C16orf96: variants seen among roughly 807,000 people sequenced by gnomAD.
The protein encoded by C16orf96 is chromosome 16 open reading frame 96, also known as uncharacterized protein C16orf96.
In C16orf96, 108 loss-of-function variants were observed where a neutral mutation model predicts 103.6. The ratio of observed to expected loss-of-function variants is 1.04; its 90% CI spans 0.89 to 1.22. The LOEUF (loss-of-function observed/expected upper bound fraction) is 1.22, where lower values mean the gene tolerates loss of function less well. C16orf96 is among the 50% of genes most tolerant of loss of function. C16orf96 has a pLI of 0.00. For synonymous variants in C16orf96, 566 were observed against 593.5 expected (o/e 0.95, Z 0.67); for missense variants, 1,586 against 1,464.2 (o/e 1.08, Z -1.36).
chr16:4,577,361 T>C (rs1289469010), intron 5 of C16orf96, among the ~76,000 whole-genome samples: 1 of 151,918 alleles, frequency 6.6e-6, no homozygotes, highest in Non-Finnish European at 1.5e-5. Context: ...AGACCTCATC[T>C]CTAAAAAAAT....
At chr16:4,589,474 G>A (rs975140340) in intron 9 of C16orf96, among the ~76,000 whole-genome samples, 2 of 151,510 alleles carry the variant, frequency 1.3e-5, no homozygotes, top group African/African-American at 4.9e-5. Flanking sequence ...AACTACTCAG[G>A]AGGCTGAGGT....
At chr16:4,592,483 A>C (rs1184706641) in intron 11 of C16orf96, 116 bp downstream of exon 11, 1 of 1,207,814 alleles carries the variant, frequency 8.3e-7, no homozygotes, top group Admixed American at 2.0e-5. Flanking sequence ...ACACATCCAT[A>C]TACAGCATTC....
chr16:4,545,567 A>T, the C16orf96 span, among the ~76,000 whole-genome samples: 27 of 151,758 alleles, frequency 1.8e-4, 1 homozygote, highest in African/African-American at 6.3e-4. Flanking sequence ...AAATTTCACA[A>T]CCCCCATCAT....
intron 8 of C16orf96, among the ~76,000 whole-genome samples, chr16:4,587,545 A>G (rs4999620): frequency 2.0e-3 from 143 of 72,508 alleles, no homozygotes; most frequent in African/African-American, 4.8e-3. Context: ...AAAAAAAAAA[A>G]AAAGAAAGAA....
At chr16:4,577,520 G>T (rs539818018) in intron 5 of C16orf96, among the ~76,000 whole-genome samples, 1 of 151,936 alleles carries the variant, frequency 6.6e-6, no homozygotes, top group Non-Finnish European at 1.5e-5. Flanking sequence ...GCATGGTGGC[G>T]GGCGCCTGTA....
Position 4,594,473 on chromosome 16 carries a change from A to C in C16orf96, c.2990A>C (p.Tyr997Ser). 2 of 1,551,502 alleles carry C rather than the reference A, an allele frequency of 1.3e-6. No individual in the cohort carries two copies. The highest frequency in any genetic ancestry group is 1.7e-6 in the Non-Finnish European group (2 of 1,146,990). Residue 997 changes from tyrosine to serine, a missense_variant, in exon 13 of 16, where the codon TAT becomes TCT. Physicochemically the swap from Tyr to Ser is moderately radical, Grantham distance 144 (BLOSUM62 -2). Transcript: ENST00000444310. ...AAGTCCTGCAACCTGTTGACGCTCT[A>C]TCCCTACGGGGATCCCCACGTGATC... ...KCKSCNLLTLYPYGDPHVIDY... is the reference protein window; with the variant it reads ...KCKSCNLLTLSPYGDPHVIDY...
At chr16:4,577,187 G>A (rs1257490022) in intron 5 of C16orf96, among the ~76,000 whole-genome samples, 1 of 151,642 alleles carries the variant, frequency 6.6e-6, no homozygotes, top group Non-Finnish European at 1.5e-5. Context: ...ACGAAACTCT[G>A]TCTCAAAAAC....
chr16:4,587,826 C>A (rs1215949827), intron 8 of C16orf96, among the ~76,000 whole-genome samples: 1 of 151,930 alleles, frequency 6.6e-6, no homozygotes, highest in Admixed American at 6.6e-5. Context: ...GTCCCAGCCA[C>A]TCAGGAGGCT....
intron 1 of C16orf96, among the ~76,000 whole-genome samples, chr16:4,558,110 G>C (rs925713517): frequency 6.6e-6 from 1 of 152,220 alleles, no homozygotes; most frequent in African/African-American, 2.4e-5. Flanking sequence ...CCTGTGAGGA[G>C]CAGCAAAGAG....
At chr16:4,555,225 T>C (rs1385960219), upstream of C16orf96, among the ~76,000 whole-genome samples, 1 of 149,314 alleles carries the variant, frequency 6.7e-6, no homozygotes, top group African/African-American at 2.5e-5. Flanking sequence ...ATCGCGCCAC[T>C]GCACTCCTGC....
intron 15 of C16orf96, 77 bp downstream of exon 15, chr16:4,599,441 C>A: frequency 7.8e-7 from 1 of 1,279,442 alleles, no homozygotes; most frequent in Non-Finnish European, 1.1e-6. Context: ...TCATCCCATC[C>A]CCCACACCCC....
intron 1 of C16orf96, among the ~76,000 whole-genome samples, chr16:4,562,340 G>A (rs2059341294): frequency 6.6e-6 from 1 of 152,010 alleles, no homozygotes. Context: ...GCTGGGCATG[G>A]TGGTGCACCT....
At chr16:4,582,414 C>A (rs910842394) in intron 7 of C16orf96, among the ~76,000 whole-genome samples, 16 of 152,058 alleles carry the variant, frequency 1.1e-4, no homozygotes, top group Non-Finnish European at 1.8e-4. Context: ...GAAAAGGGAC[C>A]AAGGAAACCC....
the C16orf96 span, among the ~76,000 whole-genome samples, chr16:4,548,918 C>G: frequency 2.0e-4 from 30 of 151,242 alleles, no homozygotes; most frequent in Non-Finnish European, 4.0e-4. Context: ...TCCACTTTCT[C>G]TATAACCAGT....
the C16orf96 span, among the ~76,000 whole-genome samples, chr16:4,546,896 C>T: frequency 5.3e-5 from 8 of 152,150 alleles, no homozygotes; most frequent in South Asian, 2.1e-4. Flanking sequence ...CGTGCTACAA[C>T]GTGGATGAAC....
intron 11 of C16orf96, 35 bp downstream of exon 11, chr16:4,592,402 G>A (rs1487555853): frequency 1.9e-6 from 3 of 1,550,594 alleles, no homozygotes; most frequent in Non-Finnish European, 2.6e-6. Flanking sequence ...CCGGCCCTAA[G>A]GGCTTGTGGG....
chr16:4,588,155 C>G lies in C16orf96; in HGVS notation c.2428-12C>G. 6.5e-7 allele frequency: 1 copy of G among 1,549,560 alleles called. No individual in the cohort carries two copies. The highest frequency in any genetic ancestry group is 1.2e-5 in the South Asian group (1 of 83,972). ...CAGCAGCCATGCCTCCCTGAACTCCCTGTCTCCCTAGAAAGCTGACAGGAG... is the reference window on the plus strand; with the variant it reads ...CAGCAGCCATGCCTCCCTGAACTCCGTGTCTCCCTAGAAAGCTGACAGGAG... On this transcript the variant is annotated splice_polypyrimidine_tract_variant and intron_variant, in intron 8 of 15. Coordinates refer to ENST00000444310, the MANE Select transcript of C16orf96 (RefSeq NM_001145011.2).
chr16:4,578,784 A>C (rs1348435209), intron 5 of C16orf96, among the ~76,000 whole-genome samples, 156 bp from the exon 6 acceptor site: 1 of 152,136 alleles, frequency 6.6e-6, no homozygotes, highest in Non-Finnish European at 1.5e-5. Context: ...AAAAATAATG[A>C]AGAAATAAAT....
At chr16:4,586,858 C>T (rs528548616) in intron 7 of C16orf96, among the ~76,000 whole-genome samples, 181 bp from the exon 8 acceptor site, 1 of 152,164 alleles carries the variant, frequency 6.6e-6, no homozygotes, top group Admixed American at 6.5e-5. Context: ...ACGTTCCTTC[C>T]CTTTTCATCT....
Sources: allele counts gnomAD v4.1 joint callset (sites outside exome capture counted in the v4.1 genomes callset), GRCh38; gene constraint gnomAD v4.1.1; transcripts MANE v1.5; gene names NCBI Gene and HGNC (gene_info 2026-07-23, HGNC 2026-07-21).